The following RBP2 variants were observed in gnomAD, a reference collection of about 807,000 sequenced individuals.
RBP2 encodes retinol-binding protein 2.
Under a neutral mutation model 17.0 loss-of-function variants are expected in RBP2, and 17 were observed. That is an observed-to-expected ratio of 1.00 (90% CI 0.68 to 1.50). The LOEUF (loss-of-function observed/expected upper bound fraction) is 1.50. RBP2 is among the 40% of genes most tolerant of loss of function. The pLI is 0.00. For missense variants in RBP2, 158 were observed against 168.2 expected (o/e 0.94, Z 0.33); for synonymous variants, 48 against 57.1 (o/e 0.84, Z 0.72).
intron 1 of RBP2, among the ~76,000 whole-genome samples, chr3:139,473,873 C>G (rs1039561303): frequency 1.3e-5 from 2 of 152,162 alleles, no homozygotes; most frequent in Non-Finnish European, 1.5e-5. Flanking sequence ...GGCCTCATGA[C>G]TTGGGCAGGA....
chr3:139,458,742 C>T (rs906849178), intron 2 of RBP2, among the ~76,000 whole-genome samples: 4 of 152,210 alleles, frequency 2.6e-5, no homozygotes, highest in African/African-American at 7.2e-5. Context: ...TCACTTAGCT[C>T]GTTTTCCAGG....
In RBP2 at chr3:139,452,923, A is replaced by G. The variant is rs780427404; in HGVS notation, c.*193T>C. On this transcript the variant is annotated 3_prime_UTR_variant, in exon 4 of 4. Transcript: ENST00000232217. ...ATATGGGAGTAATTTTTGTTTTTCC[A>G]TTTAATGCTAGGTTTCAAAGGAGGG... 86 of 600,218 alleles carry G rather than the reference A, an allele frequency of 1.4e-4. No homozygotes were observed. Among genetic ancestry groups the G allele is most frequent in the Middle Eastern group, 1.3e-3 (3 of 2,242 alleles). The allele number at this position is 600,218 out of a possible 1,614,324, so 37.2% of individuals were successfully genotyped here. A position where few individuals can be genotyped will look rare whatever the true frequency, so the allele number is the denominator to read the frequency against.
chr3:139,459,400 A>ATGTGTGTGTGTGTG (rs57107462), intron 2 of RBP2, among the ~76,000 whole-genome samples: 8,686 of 128,430 alleles, frequency 0.068, 436 homozygotes, highest in African/African-American at 0.13. Flanking sequence ...TACTATATAT[A>ATGTGTGTGTGTGTG]TGTGTGTGTG....
At chr3:139,455,638 A>G (rs1943381469) in intron 2 of RBP2, among the ~76,000 whole-genome samples, 1 of 152,188 alleles carries the variant, frequency 6.6e-6, no homozygotes, top group Non-Finnish European at 1.5e-5. Flanking sequence ...TTCAGGAATC[A>G]CACTGTGAGA....
chr3:139,471,145 T>G (rs1430086290), intron 1 of RBP2, among the ~76,000 whole-genome samples: 1 of 152,182 alleles, frequency 6.6e-6, no homozygotes, highest in Non-Finnish European at 1.5e-5. Flanking sequence ...TCTCCTCATT[T>G]CCCACTATAT....
At chr3:139,457,173 G>A (rs141899332) in intron 2 of RBP2, among the ~76,000 whole-genome samples, 32 of 152,336 alleles carry the variant, frequency 2.1e-4, no homozygotes, top group African/African-American at 7.5e-4. Context: ...ACCAGACTCA[G>A]CACAGTGATC....
chr3:139,458,654 T>A (rs1049360443), intron 2 of RBP2, among the ~76,000 whole-genome samples: 1 of 152,100 alleles, frequency 6.6e-6, no homozygotes, highest in Non-Finnish European at 1.5e-5. Flanking sequence ...GGCAACCACT[T>A]TCTCTCTCTA....
At chr3:139,473,774 C>G (rs564788212) in intron 1 of RBP2, among the ~76,000 whole-genome samples, 25 of 152,308 alleles carry the variant, frequency 1.6e-4, no homozygotes, top group African/African-American at 5.8e-4. Flanking sequence ...CATGCCTGCC[C>G]CACCCATGTT....
At chr3:139,460,003 C>T (rs527960013) in intron 2 of RBP2, among the ~76,000 whole-genome samples, 7 of 152,140 alleles carry the variant, frequency 4.6e-5, no homozygotes, top group Admixed American at 1.3e-4. Flanking sequence ...TGTGTTAACA[C>T]GTGGAATTCA....
At position 139,453,125 on chromosome 3, in the gene RBP2, T is replaced by C. The variant is rs1943340461; in HGVS notation, c.396A>G (p.Lys132=). Residue 132 remains lysine (K), a synonymous_variant, in exon 4 of 4, where the codon AAA becomes AAG. Transcript: ENST00000232217. The part of the protein sequence containing the change: ...CGDQVCRQVF[K]KK ...GCCTCCCACGTCGCCATCATTTCTTTTTGAACACTTGACGGCACACCTGGT... is the reference window on the plus strand; with the variant it reads ...GCCTCCCACGTCGCCATCATTTCTTCTTGAACACTTGACGGCACACCTGGT... 6.2e-7 allele frequency: 1 copy of C among 1,614,024 alleles called. No individual in the cohort carries two copies. The highest frequency in any genetic ancestry group is 8.5e-7 in the Non-Finnish European group (1 of 1,180,024).
At chr3:139,466,076 A>C (rs890754869) in intron 1 of RBP2, among the ~76,000 whole-genome samples, 1 of 152,142 alleles carries the variant, frequency 6.6e-6, no homozygotes, top group Non-Finnish European at 1.5e-5. Flanking sequence ...ACGAGCAAGT[A>C]AGTTTGGGAG....
At chr3:139,472,025 T>A (rs1227431414) in intron 1 of RBP2, among the ~76,000 whole-genome samples, 1 of 152,218 alleles carries the variant, frequency 6.6e-6, no homozygotes, top group Non-Finnish European at 1.5e-5. Flanking sequence ...TGCACTTCAC[T>A]CCTTGGTAAT....
chr3:139,454,702 G>T (rs755076924), intron 3 of RBP2, 27 bp downstream of exon 3: 4 of 1,606,562 alleles, frequency 2.5e-6, no homozygotes, highest in Non-Finnish European at 3.4e-6. Context: ...CACAATGGAA[G>T]TGAGCTGAGC....
chr3:139,459,181 ACT>A (rs1357235727), intron 2 of RBP2, among the ~76,000 whole-genome samples: 2 of 151,676 alleles, frequency 1.3e-5, no homozygotes, highest in Non-Finnish European at 2.9e-5. Flanking sequence ...TACCACACAC[ACT>A]CTCACACTCA....
rs143753405 is a variant in RBP2 at position 139,469,904 on chromosome 3, G to A, written c.73+6483C>T. Reference sequence around the variant, plus strand: ...TACCAAGAACAGTGCTGAGGAAAGGGCTGTGGGTGTTAGAAGCAGATAGCC... The same window carrying A: ...TACCAAGAACAGTGCTGAGGAAAGGACTGTGGGTGTTAGAAGCAGATAGCC... On this transcript the variant is annotated intron_variant, in intron 1 of 3. Coordinates refer to ENST00000232217, the MANE Select transcript of RBP2 (RefSeq NM_004164.3). Among the ~76,000 whole-genome samples the A allele has an allele frequency of 2.3e-3, 348 of 152,226 alleles. 1 individual carries two copies. Among genetic ancestry groups the A allele is most frequent in the Non-Finnish European group, 3.8e-3 (259 of 68,010 alleles).
intron 2 of RBP2, among the ~76,000 whole-genome samples, chr3:139,456,412 C>T (rs1229576820): frequency 6.6e-6 from 1 of 152,110 alleles, no homozygotes; most frequent in East Asian, 1.9e-4. Flanking sequence ...CATTTTACTC[C>T]CCAGTGCATC....
chr3:139,468,957 A>G (rs73868223), intron 1 of RBP2, among the ~76,000 whole-genome samples: 3,119 of 152,316 alleles, frequency 0.02, 87 homozygotes, highest in African/African-American at 0.067. Context: ...CATACTTTTC[A>G]TAACTGCATT....
At chr3:139,476,100 T>C (rs1185347059) in intron 1 of RBP2, among the ~76,000 whole-genome samples, 2 of 152,084 alleles carry the variant, frequency 1.3e-5, no homozygotes, top group African/African-American at 4.8e-5. Context: ...GGCTTTACTC[T>C]GTTGTGTGTG....
At position 139,455,872 on chromosome 3, in the gene RBP2, G is replaced by A. The variant is rs141569310; in HGVS notation, c.253-1042C>T. 1.9e-3 allele frequency among the ~76,000 whole-genome samples: 286 copies of A among 152,330 alleles called. 5 individuals are homozygous for A. In the East Asian group the frequency reaches 0.032, roughly 17 times the overall value. ...CAGTGGCCAGCAGGTTGGAGAAGCC[G>A]TAGGCCTTCTGAATCCCAAGAGTGC... On this transcript the variant is annotated intron_variant, in intron 2 of 3. Transcript: ENST00000232217.
Sources: gnomAD v4.1 joint callset for allele counts (sites outside exome capture counted in the v4.1 genomes callset) on GRCh38, gnomAD v4.1.1 for gene constraint, MANE v1.5 for transcripts, NCBI Gene and HGNC (gene_info 2026-07-23, HGNC 2026-07-21) for gene names.